PBX1: variants seen among roughly 807,000 people sequenced by gnomAD.
PBX1 encodes the protein PBX homeobox 1, also known as pre-B-cell leukemia transcription factor 1.
A neutral mutation model predicts 53.4 loss-of-function variants in PBX1; 6 were observed. The ratio of observed to expected loss-of-function variants is 0.11; its 90% CI spans 0.06 to 0.22. PBX1 has a LOEUF of 0.22. Ranked by LOEUF, PBX1 falls within the 10% of genes least tolerant of loss-of-function variation. The pLI, the probability that PBX1 is intolerant of heterozygous loss-of-function variation, is 1.00. For synonymous variants in PBX1, 204 were observed against 212.3 expected (o/e 0.96, Z 0.34); for missense variants, 251 against 551.4 (o/e 0.46, Z 5.46).
At chr1:164,663,188 GTCTTCCTT>G (rs1347020691) in intron 2 of PBX1, among the ~76,000 whole-genome samples, 1 of 149,284 alleles carries the variant, frequency 6.7e-6, no homozygotes, top group East Asian at 2.0e-4. Context: ...CTTCCTTCCT[GTCTTCCTT>G]CCTGCCTTCC....
chr1:164,613,999 A>G (rs1236203399), intron 2 of PBX1, among the ~76,000 whole-genome samples: 1 of 151,946 alleles, frequency 6.6e-6, no homozygotes, highest in Non-Finnish European at 1.5e-5. Context: ...GATCAACTCC[A>G]TCAACTCCCA....
chr1:164,769,248 C>T (rs2102241115), intron 2 of PBX1: 1 of 152,216 alleles, frequency 6.6e-6, no homozygotes, highest in Non-Finnish European at 1.5e-5. Flanking sequence ...GAGACTCTGG[C>T]CCCAAATTAT....
rs563462127 is a variant in PBX1, at chr1:164,862,630, A to G, written n.257+31147A>G. Among the ~76,000 whole-genome samples, 38 of 152,264 alleles carry G rather than the reference A, an allele frequency of 2.5e-4. 2 individuals are homozygous for G. In the South Asian group the frequency reaches 7.7e-3, roughly 31 times the overall value. The stretch of plus-strand genomic sequence containing the variant: ...GAGATTTACCAGAAGCCAAACCACC[A>G]TGGGCTGGAGATATGGTGGTTTTGG... On this transcript the variant is annotated intron_variant and non_coding_transcript_variant, in intron 2 of 2. Coordinates refer to the PBX1 transcript ENST00000558796.
chr1:164,742,597 CA>C (rs1557979155), intron 2 of PBX1, among the ~76,000 whole-genome samples: 2 of 152,004 alleles, frequency 1.3e-5, no homozygotes, highest in Non-Finnish European at 2.9e-5. Context: ...CATTTTAAAC[CA>C]AAAAGTAAGT....
rs145716228 is a variant in PBX1 at position 164,847,675 on chromosome 1, G to A, written c.*999G>A. The stretch of plus-strand genomic sequence containing the variant: ...TACCATCTCACATCTTCACTTTCCC[G>A]AGATGCCATATACAATTACCTACAT... On this transcript the variant is annotated 3_prime_UTR_variant, in exon 9 of 9. Coordinates refer to ENST00000420696, the MANE Select transcript of PBX1 (RefSeq NM_002585.4). 6.1e-5 allele frequency: 65 copies of A among 1,058,062 alleles called. No homozygotes were observed. Among genetic ancestry groups the A allele is most frequent in the Admixed American group, 1.1e-4 (2 of 18,482 alleles). 65.5% of individuals were successfully genotyped at this position (1,058,062 alleles called of 1,614,324 possible). A position where few individuals can be genotyped will look rare whatever the true frequency, so the allele number is the denominator to read the frequency against.
chr1:164,621,816 G>A (rs12081868), intron 2 of PBX1, among the ~76,000 whole-genome samples: 3,403 of 152,178 alleles, frequency 0.022, 114 homozygotes, highest in African/African-American at 0.077. Context: ...TCTGCCCATC[G>A]AATAGGCATT....
At chr1:164,654,838 C>G (rs1274625234) in intron 2 of PBX1, among the ~76,000 whole-genome samples, 1 of 152,164 alleles carries the variant, frequency 6.6e-6, no homozygotes, top group Non-Finnish European at 1.5e-5. Context: ...CAGCATTTAT[C>G]GAACTGGGTA....
At chr1:164,713,573 C>G (rs1275931031) in intron 2 of PBX1, among the ~76,000 whole-genome samples, 1 of 152,102 alleles carries the variant, frequency 6.6e-6, no homozygotes, top group Admixed American at 6.6e-5. Flanking sequence ...CCATCCTCTC[C>G]TTGCTTTCTG....
chr1:164,782,053 A>G (rs1667959117), intron 2 of PBX1, among the ~76,000 whole-genome samples: 1 of 152,308 alleles, frequency 6.6e-6, no homozygotes, highest in African/African-American at 2.4e-5. Flanking sequence ...CCAAAATAAC[A>G]TGGCTTAAAC....
At chr1:164,562,641 T>G (rs1653145783) in intron 1 of PBX1, among the ~76,000 whole-genome samples, 1 of 152,240 alleles carries the variant, frequency 6.6e-6, no homozygotes, top group Non-Finnish European at 1.5e-5. Context: ...GAAATGAATT[T>G]ATTCCCCATA....
chr1:164,730,470 G>A (rs185142233), intron 2 of PBX1, among the ~76,000 whole-genome samples: 28 of 152,300 alleles, frequency 1.8e-4, no homozygotes, highest in Admixed American at 5.9e-4. Context: ...TCGGCCTTAT[G>A]ACATTAGTTA....
chr1:164,573,078 T>C (rs527738928), intron 2 of PBX1, among the ~76,000 whole-genome samples: 1 of 152,274 alleles, frequency 6.6e-6, no homozygotes, highest in East Asian at 1.9e-4. Context: ...ACCTGTAATT[T>C]TAAATTTAAT....
intron 2 of PBX1, among the ~76,000 whole-genome samples, chr1:164,747,249 G>A (rs1274813903): frequency 6.6e-6 from 1 of 151,714 alleles, no homozygotes; most frequent in Non-Finnish European, 1.5e-5. Context: ...ATAGGCTTAG[G>A]CTGTAGAGAG....
intron 2 of PBX1, among the ~76,000 whole-genome samples, chr1:164,631,483 G>A (rs188641431): frequency 6.6e-6 from 1 of 152,242 alleles, no homozygotes; most frequent in Non-Finnish European, 1.5e-5. Context: ...CTTTTACTGA[G>A]GTGTAAGGTA....
downstream of PBX1, among the ~76,000 whole-genome samples, chr1:164,852,853 C>T (rs1257113910): frequency 1.3e-5 from 2 of 152,272 alleles, no homozygotes; most frequent in Admixed American, 1.3e-4. Context: ...ATGGAGGACT[C>T]GTGTTCTCTC....
intron 2 of PBX1, among the ~76,000 whole-genome samples, chr1:164,609,566 C>G (rs911624230): frequency 2.0e-5 from 3 of 152,186 alleles, no homozygotes; most frequent in Non-Finnish European, 2.9e-5. Context: ...CTCCTTGAGG[C>G]TTTCCCATTC....
Position 164,884,225 on chromosome 1 carries a change from A to C in PBX1, n.258-14963A>C, listed in dbSNP as rs73030733. On this transcript the variant is annotated intron_variant and non_coding_transcript_variant, in intron 2 of 2. Transcript: ENST00000558796. Reference sequence around the variant, plus strand: ...TGAATCACATTTTTTTCTTAAAAAGAAATTATAAACAGGTGACTCCATTGA... The same window carrying C: ...TGAATCACATTTTTTTCTTAAAAAGCAATTATAAACAGGTGACTCCATTGA... Among the ~76,000 whole-genome samples, 255 of 152,360 alleles carry C rather than the reference A, an allele frequency of 1.7e-3. 1 individual carries two copies. Among genetic ancestry groups the C allele is most frequent in the African/African-American group, 5.7e-3 (239 of 41,588 alleles).
intron 2 of PBX1, among the ~76,000 whole-genome samples, chr1:164,618,771 A>G (rs892228097): frequency 5.9e-5 from 9 of 152,218 alleles, no homozygotes; most frequent in East Asian, 1.9e-4. Flanking sequence ...GAGCCAGCCA[A>G]TAAGGAAGCT....
intron 2 of PBX1, among the ~76,000 whole-genome samples, chr1:164,703,688 A>C (rs1004285065): frequency 2.0e-5 from 3 of 152,036 alleles, no homozygotes; most frequent in Non-Finnish European, 2.9e-5. Flanking sequence ...AATATGAGAA[A>C]CTCTGGCCAT....
Sources: allele counts gnomAD v4.1 joint callset (sites outside exome capture counted in the v4.1 genomes callset), GRCh38; gene constraint gnomAD v4.1.1; transcripts MANE v1.5; gene names NCBI Gene and HGNC (gene_info 2026-07-23, HGNC 2026-07-21).